The following ZFPM2 variants were observed in gnomAD, a reference collection of about 807,000 sequenced individuals.
ZFPM2 encodes zinc finger protein ZFPM2.
A neutral mutation model predicts 98.6 loss-of-function variants in ZFPM2; 20 were observed. The observed-to-expected ratio is 0.20, with a 90% CI of 0.14 to 0.29. The LOEUF is 0.29. ZFPM2 is among the 10% of genes least tolerant of loss of function. The pLI is 1.00. For missense variants in ZFPM2, 1,310 were observed against 1,388.6 expected (o/e 0.94, Z 0.90); for synonymous variants, 518 against 502.7 (o/e 1.03, Z -0.41).
intron 1 of ZFPM2, among the ~76,000 whole-genome samples, chr8:105,356,486 T>C (rs1325162423): frequency 3.3e-5 from 5 of 152,356 alleles, no homozygotes; most frequent in Middle Eastern, 6.8e-3. Flanking sequence ...CTTTTTATTT[T>C]GTAAGATCAA....
chr8:105,765,990 G>A (rs971874574), intron 5 of ZFPM2, among the ~76,000 whole-genome samples: 1 of 151,856 alleles, frequency 6.6e-6, no homozygotes, highest in Non-Finnish European at 1.5e-5. Flanking sequence ...AATCTCGCTG[G>A]TTAAACTGAA....
At chr8:105,751,483 A>C (rs573046657) in intron 5 of ZFPM2, among the ~76,000 whole-genome samples, 27 of 152,154 alleles carry the variant, frequency 1.8e-4, no homozygotes, top group Non-Finnish European at 3.1e-4. Context: ...TTAAGCATAT[A>C]CTCTGACCTC....
chr8:105,341,440 A>G (rs1812429900), intron 1 of ZFPM2, among the ~76,000 whole-genome samples: 1 of 151,870 alleles, frequency 6.6e-6, no homozygotes, highest in South Asian at 2.1e-4. Context: ...CTTTATTATA[A>G]TACAATAACA....
chr8:105,525,569 G>A (rs1404426737), intron 3 of ZFPM2, among the ~76,000 whole-genome samples: 1 of 152,134 alleles, frequency 6.6e-6, no homozygotes, highest in Admixed American at 6.6e-5. Context: ...ATGTCAAATC[G>A]ATAGGAATAA....
At chr8:105,697,156 G>C (rs928233336) in intron 5 of ZFPM2, among the ~76,000 whole-genome samples, 5 of 152,142 alleles carry the variant, frequency 3.3e-5, no homozygotes, top group Admixed American at 3.3e-4. Flanking sequence ...CAGTCTTACT[G>C]TGATACTTTA....
intron 5 of ZFPM2, among the ~76,000 whole-genome samples, chr8:105,707,693 T>A (rs1811295623): frequency 6.6e-6 from 1 of 152,226 alleles, no homozygotes; most frequent in Admixed American, 6.5e-5. Context: ...AGCACATTGT[T>A]TAGTCAGGTG....
intron 4 of ZFPM2, among the ~76,000 whole-genome samples, chr8:105,626,297 G>A (rs1816653057): frequency 6.6e-6 from 1 of 152,124 alleles, no homozygotes; most frequent in Admixed American, 6.5e-5. Flanking sequence ...ATTTTAAATT[G>A]TTATGCCCCC....
intron 1 of ZFPM2, among the ~76,000 whole-genome samples, chr8:105,416,979 G>C (rs190692722): frequency 6.7e-6 from 1 of 149,994 alleles, no homozygotes; most frequent in East Asian, 1.9e-4. Flanking sequence ...GGTTTGCATA[G>C]TAGTATATTA....
chr8:105,493,414 A>G (rs189650786), intron 3 of ZFPM2, among the ~76,000 whole-genome samples: 28 of 152,338 alleles, frequency 1.8e-4, no homozygotes, highest in African/African-American at 6.5e-4. Flanking sequence ...TTGAAGAAAG[A>G]TGATGAAGTC....
intron 3 of ZFPM2, among the ~76,000 whole-genome samples, chr8:105,489,894 G>A (rs1813323835): frequency 1.3e-5 from 2 of 152,006 alleles, no homozygotes; most frequent in Admixed American, 6.6e-5. Context: ...TAACAAAGGG[G>A]ACTCACAACT....
At chr8:105,542,687 G>A (rs1563709459) in intron 3 of ZFPM2, among the ~76,000 whole-genome samples, 2 of 152,226 alleles carry the variant, frequency 1.3e-5, no homozygotes, top group African/African-American at 2.4e-5. Context: ...GTCCTGGAAC[G>A]TATCCCCCAT....
At chr8:105,796,448 G>A (rs1010028535) in intron 6 of ZFPM2, among the ~76,000 whole-genome samples, 2 of 152,178 alleles carry the variant, frequency 1.3e-5, no homozygotes, top group Admixed American at 1.3e-4. Context: ...GTAGCCTCAT[G>A]AATAGTGTAA....
intron 1 of ZFPM2, among the ~76,000 whole-genome samples, chr8:105,330,397 C>T (rs1440665227): frequency 6.6e-6 from 1 of 150,680 alleles, no homozygotes; most frequent in Non-Finnish European, 1.5e-5. Flanking sequence ...AAGTGGTACT[C>T]ATGATAAGTC....
At chr8:105,736,138 T>C (rs1158792028) in intron 5 of ZFPM2, among the ~76,000 whole-genome samples, 1 of 151,978 alleles carries the variant, frequency 6.6e-6, no homozygotes, top group African/African-American at 2.4e-5. Flanking sequence ...AAATTTGTAA[T>C]ATGCCATGAT....
intron 1 of ZFPM2, among the ~76,000 whole-genome samples, chr8:105,354,439 T>A (rs1812703656): frequency 6.6e-6 from 1 of 152,216 alleles, no homozygotes; most frequent in Non-Finnish European, 1.5e-5. Flanking sequence ...TTCATCAGAC[T>A]TCACACTCTT....
intron 3 of ZFPM2, among the ~76,000 whole-genome samples, chr8:105,509,030 C>T (rs746532158): frequency 1.3e-5 from 2 of 151,960 alleles, no homozygotes; most frequent in African/African-American, 4.8e-5. Context: ...CTGAAGGGAG[C>T]GGTGCAGTAG....
At chr8:105,515,781 T>C (rs576126177) in intron 3 of ZFPM2, among the ~76,000 whole-genome samples, 24 of 152,188 alleles carry the variant, frequency 1.6e-4, no homozygotes, top group Admixed American at 2.0e-4. Flanking sequence ...CGTGCAGACA[T>C]TGGGGAGTAG....
chr8:105,707,727 T>A (rs1811296323), intron 5 of ZFPM2, among the ~76,000 whole-genome samples: 1 of 152,206 alleles, frequency 6.6e-6, no homozygotes, highest in Admixed American at 6.6e-5. Flanking sequence ...GCAACACTTT[T>A]TCAATGAAGG....
chr8:105,517,710 CACACACACACA>C (rs1813963739), intron 3 of ZFPM2, among the ~76,000 whole-genome samples: 4 of 95,116 alleles, frequency 4.2e-5, no homozygotes, highest in Admixed American at 1.3e-4. Flanking sequence ...ACACACACCA[CACACACACACA>C]CACACACACA....
Sources: allele counts gnomAD v4.1 joint callset (sites outside exome capture counted in the v4.1 genomes callset), GRCh38; gene constraint gnomAD v4.1.1; transcripts MANE v1.5; gene names NCBI Gene and HGNC (gene_info 2026-07-23, HGNC 2026-07-21).